The following OCA2 variants were observed in gnomAD, a reference collection of about 807,000 sequenced individuals.
OCA2 encodes the protein P protein.
In OCA2, 77 loss-of-function variants were observed where a neutral mutation model predicts 100.2. The observed-to-expected ratio is 0.77, with a 90% CI of 0.64 to 0.93. The LOEUF is 0.93. Among genes scored for constraint, OCA2 ranks in the 40% least tolerant of loss-of-function variants. OCA2 has a pLI of 0.00. For missense variants in OCA2, 1,062 were observed against 1,089.1 expected (o/e 0.98, Z 0.35); for synonymous variants, 432 against 439.2 (o/e 0.98, Z 0.21).
intron 23 of OCA2, among the ~76,000 whole-genome samples, chr15:27,768,085 TG>T (rs1476349513): frequency 6.6e-6 from 1 of 151,736 alleles, no homozygotes; most frequent in African/African-American, 2.4e-5. Flanking sequence ...AGCTGTGACC[TG>T]GCGCAGGGAG....
chr15:27,848,242 G>A (rs1415295722), intron 22 of OCA2, among the ~76,000 whole-genome samples: 2 of 152,214 alleles, frequency 1.3e-5, no homozygotes, highest in South Asian at 2.1e-4. Flanking sequence ...ATCATGGGCA[G>A]GGGCAGAAAT....
At chr15:27,747,337 C>A in the OCA2 span, among the ~76,000 whole-genome samples, 4 of 152,178 alleles carry the variant, frequency 2.6e-5, no homozygotes, top group African/African-American at 9.7e-5. Context: ...AGTAAGTGTT[C>A]GATCGGTCTT....
In OCA2 at chr15:27,957,604, G is replaced by A. The variant is rs777679102; in HGVS notation, c.1768C>T (p.Leu590=). 2 of 1,612,650 alleles carry A rather than the reference G, an allele frequency of 1.2e-6. No homozygotes were observed. The highest frequency in any genetic ancestry group is 1.7e-6 in the Non-Finnish European group (2 of 1,179,882). The change falls in exon 16 of 24, where the codon CTG becomes TTG. Residue 590 remains leucine, a synonymous_variant. Coordinates refer to ENST00000354638, the MANE Select transcript of OCA2 (RefSeq NM_000275.3). The surrounding 1 kb of genome is among the most constrained non-coding windows in gnomAD (Gnocchi z 4.3). ...GCCCGGTACCTGTGGAAGGTGTGCAGCCTCCGGGCGAGCAGGTGCTCCAGT... is the reference window on the plus strand; with the variant it reads ...GCCCGGTACCTGTGGAAGGTGTGCAACCTCCGGGCGAGCAGGTGCTCCAGT... ...LALEHLLARR[L]HTFHRQISQE...
intron 23 of OCA2, among the ~76,000 whole-genome samples, chr15:27,804,791 G>A (rs1159938391): frequency 6.6e-6 from 1 of 152,206 alleles, no homozygotes; most frequent in Non-Finnish European, 1.5e-5. Context: ...AGCGCCTTGG[G>A]AACCACCAGC....
At chr15:28,042,842 T>C (rs915459269) in intron 2 of OCA2, among the ~76,000 whole-genome samples, 14 of 152,132 alleles carry the variant, frequency 9.2e-5, no homozygotes, top group Non-Finnish European at 1.8e-4. Context: ...GAAAAGTTTT[T>C]TCACTTTCTC....
At chr15:27,902,541 C>T (rs1246963506) in intron 19 of OCA2, among the ~76,000 whole-genome samples, 4 of 152,286 alleles carry the variant, frequency 2.6e-5, no homozygotes, top group Non-Finnish European at 5.9e-5. Context: ...CATCGCCAAG[C>T]CTATGGTAAA....
chr15:27,854,415 C>T (rs1189709375), intron 21 of OCA2, among the ~76,000 whole-genome samples: 1 of 152,162 alleles, frequency 6.6e-6, no homozygotes, highest in Non-Finnish European at 1.5e-5. Flanking sequence ...TGAGAAGGAG[C>T]CCTTCATATT....
intron 3 of OCA2, among the ~76,000 whole-genome samples, chr15:28,028,691 T>C (rs750801219): frequency 1.3e-5 from 2 of 152,186 alleles, no homozygotes; most frequent in Non-Finnish European, 2.9e-5. Context: ...GTTGTTGTTT[T>C]GTTTTGTTTT....
At position 28,018,526 on chromosome 15, in the gene OCA2, C is replaced by T. The variant is rs143734809; in HGVS notation, c.678G>A (p.Thr226=). Residue 226 remains threonine, a synonymous_variant, in exon 7 of 24, where the codon ACG becomes ACA. Coordinates refer to ENST00000354638, the MANE Select transcript of OCA2 (RefSeq NM_000275.3). ...SVNLSSHVDS[T]LLQVDLAGAL... ...CCCCTGCCAGGTCCACCTGCAGCAG[C>T]GTGGAGTCCACGTGGCTGCTAAGGT... 294 of 1,613,624 alleles carry T rather than the reference C, an allele frequency of 1.8e-4. 1 individual carries two copies. In the African/African-American group the frequency reaches 3.3e-3, roughly 18 times the overall value.
chr15:27,926,102 T>C, intron 19 of OCA2, 25 bp downstream of exon 19: 1 of 1,613,742 alleles, frequency 6.2e-7, no homozygotes, highest in Non-Finnish European at 8.5e-7. Flanking sequence ...TAAAATGCCA[T>C]ATGGCAAAAG....
intron 19 of OCA2, among the ~76,000 whole-genome samples, chr15:27,890,356 A>G (rs1457838815): frequency 1.3e-5 from 2 of 152,226 alleles, no homozygotes; most frequent in Non-Finnish European, 2.9e-5. Context: ...AAGAAGATGA[A>G]CAAACCCTAG....
intron 19 of OCA2, among the ~76,000 whole-genome samples, chr15:27,887,287 C>T (rs1185111722): frequency 6.6e-6 from 1 of 151,710 alleles, no homozygotes; most frequent in Non-Finnish European, 1.5e-5. Context: ...AACAGCACAG[C>T]TGCAGGGAGT....
chr15:27,832,143 A>ACTG (rs2034985735), intron 23 of OCA2, among the ~76,000 whole-genome samples: 1 of 151,952 alleles, frequency 6.6e-6, no homozygotes, highest in African/African-American at 2.4e-5. Flanking sequence ...TCTCCTCTAA[A>ACTG]CTGCGCCTGC....
At chr15:27,815,627 A>G (rs2151243108) in intron 23 of OCA2, among the ~76,000 whole-genome samples, 1 of 152,338 alleles carries the variant, frequency 6.6e-6, no homozygotes, top group East Asian at 1.9e-4. Flanking sequence ...GAGTCTAGAC[A>G]ACACTTACAT....
At chr15:28,095,735 C>T (rs1236050236) in intron 1 of OCA2, among the ~76,000 whole-genome samples, 1 of 149,334 alleles carries the variant, frequency 6.7e-6, no homozygotes, top group South Asian at 2.1e-4. Context: ...AAAAAAAGAA[C>T]ATTGTTCTTC....
chr15:27,972,056 G>A (rs1226038796), intron 14 of OCA2, among the ~76,000 whole-genome samples: 1 of 152,146 alleles, frequency 6.6e-6, no homozygotes, highest in African/African-American at 2.4e-5. Flanking sequence ...CCACTTATAT[G>A]TGAGAACATG....
intron 2 of OCA2, among the ~76,000 whole-genome samples, chr15:28,037,246 AAATC>A (rs1377393002): frequency 1.3e-5 from 2 of 151,674 alleles, no homozygotes; most frequent in Non-Finnish European, 2.9e-5. Flanking sequence ...GGACCAAAAT[AAATC>A]AAGCAGAAGT....
intron 23 of OCA2, among the ~76,000 whole-genome samples, chr15:27,805,986 T>C (rs1427918787): frequency 6.6e-6 from 1 of 152,224 alleles, no homozygotes; most frequent in Non-Finnish European, 1.5e-5. Context: ...AGTGCAGGTT[T>C]GTCAGGCCGT....
intron 4 of OCA2, among the ~76,000 whole-genome samples, chr15:28,025,913 T>C (rs1191791796): frequency 2.0e-5 from 3 of 152,272 alleles, no homozygotes; most frequent in African/African-American, 7.2e-5. Context: ...TTGAAAATGG[T>C]AAAATCTTGT....
Sources: allele counts gnomAD v4.1 joint callset (sites outside exome capture counted in the v4.1 genomes callset), GRCh38; gene constraint gnomAD v4.1.1; non-coding constraint Gnocchi (gnomAD v3.1); transcripts MANE v1.5; gene names NCBI Gene and HGNC (gene_info 2026-07-23, HGNC 2026-07-21).